Variants in RNF150 observed in about 807,000 individuals in gnomAD.
RNF150 encodes the protein ring finger protein 150.
In RNF150, 24 loss-of-function variants were observed where a neutral mutation model predicts 39.3. The observed-to-expected ratio is 0.61, with a 90% CI of 0.44 to 0.86. The LOEUF is 0.86. RNF150 is among the 40% of genes least tolerant of loss of function. RNF150 has a pLI of 0.00. For synonymous variants in RNF150, 255 were observed against 227.3 expected (o/e 1.12, Z -1.10); for missense variants, 502 against 587.8 (o/e 0.85, Z 1.51).
At chr4:141,084,590 T>A (rs1360859850) in intron 1 of RNF150, among the ~76,000 whole-genome samples, 1 of 152,212 alleles carries the variant, frequency 6.6e-6, no homozygotes, top group Non-Finnish European at 1.5e-5. Context: ...GAATTGGTCC[T>A]AAAGGACGCG....
rs1263568285 is a variant in RNF150 at position 141,132,775 on chromosome 4, G to C, written c.34C>G (p.Leu12Val). ...GAAAGCAGCCATGTTGAGAGAGCCAGACTGCAGCACGCTTGGATGAGAGAC... is the reference window on the plus strand; with the variant it reads ...GAAAGCAGCCATGTTGAGAGAGCCACACTGCAGCACGCTTGGATGAGAGAC... ...AMSLIQACCS[L>V]ALSTWLLSFC... Residue 12 changes from leucine (L) to valine (V), a missense_variant, in exon 1 of 7, where the codon CTG becomes GTG. Coordinates refer to ENST00000515673, the MANE Select transcript of RNF150 (RefSeq NM_020724.2). The surrounding 1 kb of genome is among the most constrained non-coding windows in gnomAD (Gnocchi z 4.9). The C allele has an allele frequency of 1.9e-6, 3 of 1,610,222 alleles. No homozygotes were observed. The highest frequency in any genetic ancestry group is 4.5e-5 in the East Asian group (2 of 44,600).
At chr4:140,897,213 C>T (rs1048660789) in intron 6 of RNF150, among the ~76,000 whole-genome samples, 9 of 152,138 alleles carry the variant, frequency 5.9e-5, no homozygotes, top group African/African-American at 1.7e-4. Context: ...GTTCTACCTC[C>T]AGTACCCCTG....
chr4:141,204,243 T>A (rs1728339748), intron 1 of RNF150, among the ~76,000 whole-genome samples: 1 of 152,044 alleles, frequency 6.6e-6, no homozygotes, highest in Non-Finnish European at 1.5e-5. Context: ...ATATTCCACG[T>A]GAGAAAAGCA....
chr4:141,192,685 C>A (rs73849858), intron 1 of RNF150, among the ~76,000 whole-genome samples: 1 of 152,156 alleles, frequency 6.6e-6, no homozygotes, highest in African/African-American at 2.4e-5. Context: ...ATATCCCGCA[C>A]AACGCAGAAG....
chr4:141,061,569 AAG>A (rs1389298403), intron 1 of RNF150, among the ~76,000 whole-genome samples: 1 of 152,210 alleles, frequency 6.6e-6, no homozygotes, highest in Non-Finnish European at 1.5e-5. Flanking sequence ...CAATACACAT[AAG>A]TGGGAAAATG....
At chr4:141,106,414 T>G (rs542037775) in intron 1 of RNF150, among the ~76,000 whole-genome samples, 35 of 152,324 alleles carry the variant, frequency 2.3e-4, no homozygotes, top group Admixed American at 7.2e-4. Flanking sequence ...AGTAAGAAGA[T>G]GTGAGTTTGA....
intron 2 of RNF150, among the ~76,000 whole-genome samples, chr4:140,955,645 T>G (rs1211901770): frequency 6.6e-6 from 1 of 152,210 alleles, no homozygotes; most frequent in African/African-American, 2.4e-5. Flanking sequence ...GGATATGACA[T>G]GTGCTTTTGC....
chr4:141,085,760 G>A (rs952157534), intron 1 of RNF150, among the ~76,000 whole-genome samples: 4 of 152,028 alleles, frequency 2.6e-5, no homozygotes, highest in African/African-American at 9.7e-5. Flanking sequence ...GACAAGTATT[G>A]GAATTCATAT....
intron 1 of RNF150, among the ~76,000 whole-genome samples, chr4:141,153,072 A>C (rs193201817): frequency 6.6e-6 from 1 of 152,058 alleles, no homozygotes; most frequent in Non-Finnish European, 1.5e-5. Flanking sequence ...AATACACATA[A>C]TTTTTTTCTT....
At chr4:141,105,166 T>C in intron 1 of RNF150, among the ~76,000 whole-genome samples, 1 of 152,210 alleles carries the variant, frequency 6.6e-6, no homozygotes, top group East Asian at 1.9e-4. Context: ...AAGTACCAAA[T>C]GTATGCCTGT....
At position 140,966,629 on chromosome 4, in the gene RNF150, T is replaced by C. The variant is rs116571970; in HGVS notation, c.735+994A>G. ...TCAATGTTACTTGTAATAAGAAAAA[T>C]GTGGTACCATTTTTAACTTACCAAA... On this transcript the variant is annotated intron_variant, in intron 2 of 6. Transcript: ENST00000515673. 2.3e-3 allele frequency among the ~76,000 whole-genome samples: 352 copies of C among 152,268 alleles called. 1 individual carries two copies. The highest frequency in any genetic ancestry group is 7.9e-3 in the African/African-American group (329 of 41,566).
chr4:141,101,190 T>A (rs905311207), intron 1 of RNF150, among the ~76,000 whole-genome samples: 1 of 152,238 alleles, frequency 6.6e-6, no homozygotes, highest in African/African-American at 2.4e-5. Context: ...CTTTATAAGC[T>A]TACTTTTTAA....
At position 140,863,003 on chromosome 4, in the gene RNF150, CGGT is replaced by C. The variant is rs1728552836; in HGVS notation, c.*5255_*5257del. 1 of 152,056 alleles carries C rather than the reference CGGT, an allele frequency of 6.6e-6. No homozygotes were observed. Among genetic ancestry groups the C allele is most frequent in the Non-Finnish European group, 1.5e-5 (1 of 68,014 alleles). The allele number at this position is 152,056 out of a possible 1,614,324, so 9.4% of individuals were successfully genotyped here. On this transcript the variant is annotated 3_prime_UTR_variant, in exon 7 of 7. Coordinates refer to ENST00000515673, the MANE Select transcript of RNF150 (RefSeq NM_020724.2). The stretch of plus-strand genomic sequence containing the variant: ...ATGCAATGGCATGGATGAAGGACCT[CGGT>C]GGCCAAGAGCACTGCATGAAGAACC...
At position 141,132,318 on chromosome 4, in the gene RNF150, C is replaced by A. The variant is rs748811191; in HGVS notation, c.484+7G>T. On this transcript the variant is annotated splice_region_variant and intron_variant, in intron 1 of 6. Coordinates refer to ENST00000515673, the MANE Select transcript of RNF150 (RefSeq NM_020724.2). The surrounding 1 kb of genome is among the most constrained non-coding windows in gnomAD (Gnocchi z 4.9). ...CTCCCCTCCCCCGCGCCCGCTGGGC[C>A]ACTCACCCGCGTGGGGCATGGTGAT... 6.4e-7 allele frequency: 1 copy of A among 1,568,452 alleles called. No homozygotes were observed. Among genetic ancestry groups the A allele is most frequent in the South Asian group, 1.2e-5 (1 of 85,358 alleles).
intron 1 of RNF150, among the ~76,000 whole-genome samples, chr4:141,068,755 T>C (rs1456811199): frequency 1.5e-5 from 2 of 129,782 alleles, no homozygotes; most frequent in African/African-American, 5.6e-5. Flanking sequence ...TTTGTAGTTC[T>C]CCTTGAAGAG....
intron 5 of RNF150, among the ~76,000 whole-genome samples, chr4:140,919,438 T>C (rs1450435935): frequency 7.0e-6 from 1 of 143,686 alleles, no homozygotes; most frequent in Non-Finnish European, 1.5e-5. Flanking sequence ...CATTCACAAT[T>C]GCTTCAAAGA....
chr4:141,131,470 G>T (rs935677651), intron 1 of RNF150, among the ~76,000 whole-genome samples: 2 of 152,132 alleles, frequency 1.3e-5, no homozygotes, highest in African/African-American at 4.8e-5. Flanking sequence ...GGCTTTTTTG[G>T]GGGGAGGGTG....
intron 1 of RNF150, among the ~76,000 whole-genome samples, chr4:141,167,476 C>T (rs1366120697): frequency 6.6e-6 from 1 of 152,206 alleles, no homozygotes; most frequent in Admixed American, 6.5e-5. Context: ...AAAAGGAGCC[C>T]ATATAGCCAA....
intron 1 of RNF150, among the ~76,000 whole-genome samples, chr4:141,117,077 A>G (rs2111076340): frequency 6.6e-6 from 1 of 152,320 alleles, no homozygotes; most frequent in Non-Finnish European, 1.5e-5. Context: ...GCAAACCACC[A>G]TGGCACGTGT....
Sources: allele counts gnomAD v4.1 joint callset (sites outside exome capture counted in the v4.1 genomes callset), GRCh38; gene constraint gnomAD v4.1.1; non-coding constraint Gnocchi (gnomAD v3.1); transcripts MANE v1.5; gene names NCBI Gene and HGNC (gene_info 2026-07-23, HGNC 2026-07-21).